Variants in TAF5 observed in about 807,000 individuals in gnomAD.
The protein encoded by TAF5 is TATA-box binding protein associated factor 5.
Under a neutral mutation model 80.9 loss-of-function variants are expected in TAF5, and 20 were observed. That is an observed-to-expected ratio of 0.25 (90% CI 0.17 to 0.36). The LOEUF is 0.36. Among genes scored for constraint, TAF5 ranks in the 10% least tolerant of loss-of-function variants. The probability of loss-of-function intolerance (pLI) is 1.00; values close to 1 mark genes in which losing one functional copy is unlikely to be tolerated. For synonymous variants in TAF5, 388 were observed against 406.4 expected (o/e 0.95, Z 0.55); for missense variants, 863 against 1,029.4 (o/e 0.84, Z 2.21).
At chr10:103,371,708 G>T (rs1425133151) in intron 1 of TAF5, among the ~76,000 whole-genome samples, 3 of 152,162 alleles carry the variant, frequency 2.0e-5, no homozygotes, top group African/African-American at 7.2e-5. Context: ...GGTAAGAGAT[G>T]TATATAATGT....
intron 5 of TAF5, 101 bp from the exon 6 acceptor site, chr10:103,381,620 A>G (rs553530425): frequency 2.3e-6 from 3 of 1,287,332 alleles, no homozygotes; most frequent in African/African-American, 1.5e-5. Flanking sequence ...AAAATAGAGG[A>G]TTGAGGAGAT....
In TAF5 at chr10:103,388,362, C is replaced by G. The variant is rs1387709221; in HGVS notation, c.*139C>G. 1 of 720,284 alleles carries G rather than the reference C, an allele frequency of 1.4e-6. No individual in the cohort carries two copies. Among genetic ancestry groups the G allele is most frequent in the Non-Finnish European group, 2.2e-6 (1 of 446,364 alleles). 44.6% of individuals were successfully genotyped at this position (720,284 alleles called of 1,614,324 possible). On this transcript the variant is annotated 3_prime_UTR_variant, in exon 11 of 11. Transcript: ENST00000369839. Reference sequence around the variant, plus strand: ...CTGGAAGTATGCTGCTTGGAAAAATCTGAACAGGACAGTTCCACGTTTCTA... The same window carrying G: ...CTGGAAGTATGCTGCTTGGAAAAATGTGAACAGGACAGTTCCACGTTTCTA...
chr10:103,370,375 G>C (rs755024538), intron 1 of TAF5, among the ~76,000 whole-genome samples: 3 of 139,148 alleles, frequency 2.2e-5, no homozygotes, highest in Non-Finnish European at 4.6e-5. Context: ...GGCCAGGCTG[G>C]AGTGCAGTGG....
chr10:103,381,381 G>A (rs1458421073), intron 5 of TAF5, among the ~76,000 whole-genome samples: 1 of 151,892 alleles, frequency 6.6e-6, no homozygotes, highest in African/African-American at 2.4e-5. Flanking sequence ...ATTCTCTTGC[G>A]TCAGCCTCAC....
At chr10:103,385,598 C>T (rs1321121493) in intron 8 of TAF5, 108 bp downstream of exon 8, 2 of 1,256,070 alleles carry the variant, frequency 1.6e-6, no homozygotes, top group Non-Finnish European at 2.2e-6. Context: ...TATTGAGGTT[C>T]AACTTTCTGA....
Position 103,380,026 on chromosome 10 carries a change from A to G in TAF5, c.1413+7A>G, listed in dbSNP as rs1352742152. On this transcript the variant is annotated splice_region_variant and intron_variant, in intron 5 of 10. Transcript: ENST00000369839. Reference sequence around the variant, plus strand: ...ATTTCTCAATGCTTACCAGGTTGGTAAAAAAATTGGGCGATTTCTGCCTGG... The same window carrying G: ...ATTTCTCAATGCTTACCAGGTTGGTGAAAAAATTGGGCGATTTCTGCCTGG... The G allele has an allele frequency of 1.2e-6, 2 of 1,606,884 alleles. No individual in the cohort carries two copies. The highest frequency in any genetic ancestry group is 1.7e-6 in the Non-Finnish European group (2 of 1,177,440).
rs1487319175 is a variant in TAF5 at position 103,387,499 on chromosome 10, T to A, written c.2008-22T>A. On this transcript the variant is annotated intron_variant, in intron 9 of 10. Transcript: ENST00000369839. ...TTATTTTCCTAGACATACTTTGATC[T>A]TTTCTATGAACTTTTTTCTAGGGAC... 12 of 1,595,962 alleles carry A rather than the reference T, an allele frequency of 7.5e-6. 1 individual carries two copies. In the South Asian group the frequency reaches 1.2e-4, roughly 16 times the overall value.
intron 1 of TAF5, among the ~76,000 whole-genome samples, chr10:103,371,773 C>T (rs2093359985): frequency 6.6e-6 from 1 of 152,056 alleles, no homozygotes; most frequent in Non-Finnish European, 1.5e-5. Flanking sequence ...GCTTGGGTGG[C>T]CCAGAGAGCT....
Position 103,368,065 on chromosome 10 carries a change from CCGCAGGCGGGGGACGG to C in TAF5, c.85_100del (p.Gly29ArgfsTer110). The C allele has an allele frequency of 7.0e-7, 1 of 1,432,416 alleles. No individual in the cohort carries two copies. Among genetic ancestry groups the C allele is most frequent in the Admixed American group, 3.1e-5 (1 of 32,076 alleles). 88.7% of individuals were successfully genotyped at this position (1,432,416 alleles called of 1,614,324 possible). On this transcript the variant is annotated frameshift_variant, in exon 1 of 11. Coordinates refer to ENST00000369839, the MANE Select transcript of TAF5 (RefSeq NM_006951.5). LOFTEE classifies it high-confidence loss of function. ...TGAGGGACCGCCAACGCTGCTACCT[CCGCAGGCGGGGGACGG>C]CGCAGGCGAGGGTAGCGGCGGCACT...
intron 7 of TAF5, among the ~76,000 whole-genome samples, chr10:103,384,573 A>C (rs936466831): frequency 6.6e-6 from 1 of 152,302 alleles, no homozygotes; most frequent in Admixed American, 6.5e-5. Flanking sequence ...AGAGGTTGCA[A>C]TGAGCCGAGA....
intron 1 of TAF5, among the ~76,000 whole-genome samples, chr10:103,371,805 G>A (rs1445003075): frequency 6.6e-6 from 1 of 152,166 alleles, no homozygotes; most frequent in African/African-American, 2.4e-5. Context: ...TGCAGTGCAT[G>A]GCTTGGTCGT....
intron 2 of TAF5, among the ~76,000 whole-genome samples, chr10:103,376,199 C>A (rs1455865440): frequency 1.3e-5 from 2 of 151,804 alleles, no homozygotes; most frequent in Non-Finnish European, 2.9e-5. Flanking sequence ...TCAAGCAATT[C>A]TCCTGCCTCA....
chr10:103,384,689 T>TA (rs1444362585), intron 7 of TAF5, among the ~76,000 whole-genome samples: 1 of 152,186 alleles, frequency 6.6e-6, no homozygotes, highest in African/African-American at 2.4e-5. Context: ...GTTTCATCAT[T>TA]ACGAAACTTT....
rs753451250 is a variant in TAF5 at position 103,379,861 on chromosome 10, T to C, written c.1278-23T>C. On this transcript the variant is annotated intron_variant, in intron 4 of 10. Coordinates refer to ENST00000369839, the MANE Select transcript of TAF5 (RefSeq NM_006951.5). Reference sequence around the variant, plus strand: ...GTTTGTTAATAGTCAAAAGGTAATTTTGACTCTCTTTTTCTTTCACAGAAT... The same window carrying C: ...GTTTGTTAATAGTCAAAAGGTAATTCTGACTCTCTTTTTCTTTCACAGAAT... The C allele has an allele frequency of 2.4e-5, 39 of 1,607,306 alleles. No individual in the cohort carries two copies. In the South Asian group the frequency reaches 3.8e-4, roughly 16 times the overall value.
Position 103,387,168 on chromosome 10 carries a change from A to T in TAF5, c.1830-7A>T. The T allele has an allele frequency of 6.2e-7, 1 of 1,602,044 alleles. No homozygotes were observed. The highest frequency in any genetic ancestry group is 8.5e-7 in the Non-Finnish European group (1 of 1,173,420). On this transcript the variant is annotated splice_polypyrimidine_tract_variant and splice_region_variant and intron_variant, in intron 8 of 10. Transcript: ENST00000369839. ...GTCATCTTTTGCTTTCAATAACTTT[A>T]TAAAAGGCTCTGGGCTACAGACCAC...
At chr10:103,384,801 A>G (rs2093391777) in intron 7 of TAF5, among the ~76,000 whole-genome samples, 1 of 152,172 alleles carries the variant, frequency 6.6e-6, no homozygotes, top group African/African-American at 2.4e-5. Flanking sequence ...TCTGACTATC[A>G]ATCTTTTGTG....
At chr10:103,379,505 G>C (rs192262673) in intron 3 of TAF5, 103 bp from the exon 4 acceptor site, 3 of 1,042,754 alleles carry the variant, frequency 2.9e-6, no homozygotes, top group East Asian at 2.7e-5. Context: ...CTGCTTCAGA[G>C]TGTAAATTAC....
intron 1 of TAF5, among the ~76,000 whole-genome samples, 163 bp from the exon 2 acceptor site, chr10:103,373,195 C>CA (rs371928380): frequency 6.1e-3 from 606 of 99,404 alleles, no homozygotes; most frequent in Middle Eastern, 0.012. Flanking sequence ...GACTCCCTCT[C>CA]AAAAAAAAAA....
At position 103,370,097 on chromosome 10, in the gene TAF5, T is replaced by C. The variant is rs2093355769; in HGVS notation, c.559+1549T>C. Among the ~76,000 whole-genome samples the C allele has an allele frequency of 2.0e-5, 3 of 151,074 alleles. No individual in the cohort carries two copies. The South Asian group carries it at 6.3e-4, about 32-fold the overall frequency. ...AAATACAAAAATTAGCCGGGCGTGG[T>C]GGCGCATGCCTGTAATCCCAGCTAC... On this transcript the variant is annotated intron_variant, in intron 1 of 10. Coordinates refer to ENST00000369839, the MANE Select transcript of TAF5 (RefSeq NM_006951.5).
Sources: gnomAD v4.1 joint callset for allele counts (sites outside exome capture counted in the v4.1 genomes callset) on GRCh38, gnomAD v4.1.1 for gene constraint, MANE v1.5 for transcripts, NCBI Gene and HGNC (gene_info 2026-07-23, HGNC 2026-07-21) for gene names.